The following PIK3CB variants were observed in gnomAD, a reference collection of about 807,000 sequenced individuals.
The protein encoded by PIK3CB is phosphatidylinositol 4,5-bisphosphate 3-kinase catalytic subunit beta isoform.
In PIK3CB, 39 loss-of-function variants were observed where a neutral mutation model predicts 136.8. The observed-to-expected ratio is 0.29, with a 90% CI of 0.22 to 0.37. The LOEUF is 0.37. Ranked by LOEUF, PIK3CB falls within the 10% of genes least tolerant of loss-of-function variation. PIK3CB has a pLI of 1.00. For synonymous variants in PIK3CB, 428 were observed against 436.6 expected (o/e 0.98, Z 0.25); for missense variants, 868 against 1,275.4 (o/e 0.68, Z 4.87).
At chr3:138,695,737 A>G (rs2044122497) in intron 13 of PIK3CB, among the ~76,000 whole-genome samples, 1 of 151,912 alleles carries the variant, frequency 6.6e-6, no homozygotes, top group Non-Finnish European at 1.5e-5. Flanking sequence ...TTATTAGCAT[A>G]TATTTATATA....
At chr3:138,829,961 T>G (rs1933950347) in intron 1 of PIK3CB, among the ~76,000 whole-genome samples, 1 of 151,984 alleles carries the variant, frequency 6.6e-6, no homozygotes, top group Non-Finnish European at 1.5e-5. Flanking sequence ...CAACAGCAGT[T>G]GACAACAATT....
At chr3:138,681,921 TATGGGAAGAC>T in intron 19 of PIK3CB, 36 bp downstream of exon 19, 1 of 1,136,344 alleles carries the variant, frequency 8.8e-7, no homozygotes, top group East Asian at 2.4e-5. Flanking sequence ...ATATTTTTGC[TATGGGAAGAC>T]ATTAGACTGA....
At chr3:138,752,222 GAAA>G (rs940191166) in intron 4 of PIK3CB, among the ~76,000 whole-genome samples, 1 of 147,762 alleles carries the variant, frequency 6.8e-6, no homozygotes, top group African/African-American at 2.5e-5. Flanking sequence ...AATAAACACA[GAAA>G]AAAAAAAGAT....
At position 138,673,372 on chromosome 3, in the gene PIK3CB, C is replaced by T. The variant is rs554692364; in HGVS notation, c.2505-8169G>A. Among the ~76,000 whole-genome samples, 8 of 152,056 alleles carry T rather than the reference C, an allele frequency of 5.3e-5. No homozygotes were observed. The South Asian group carries it at 1.5e-3, about 28-fold the overall frequency. ...ACACACGCACAGATTGTACTGCAGA[C>T]AAAGGCAAAGAGAAACTTTTTGATG... On this transcript the variant is annotated intron_variant, in intron 19 of 23. Coordinates refer to ENST00000674063, the MANE Select transcript of PIK3CB (RefSeq NM_006219.3).
Position 138,699,975 on chromosome 3 carries a change from GA to G in PIK3CB, c.1582-881del, listed in dbSNP as rs575316230. Reference sequence around the variant, plus strand: ...CCAGCACTTTGTGAGGCTAAGGCAGGAAGACTGCTTGAGCCCCGGAGTTCAA... The same window carrying G: ...CCAGCACTTTGTGAGGCTAAGGCAGGAGACTGCTTGAGCCCCGGAGTTCAA... On this transcript the variant is annotated intron_variant, in intron 12 of 23. Transcript: ENST00000674063. Among the ~76,000 whole-genome samples, 10 of 152,190 alleles carry G rather than the reference GA, an allele frequency of 6.6e-5. No homozygotes were observed. The South Asian group carries it at 2.1e-3, about 32-fold the overall frequency.
chr3:138,830,952 A>AG (rs1559895930), intron 1 of PIK3CB, among the ~76,000 whole-genome samples: 2 of 143,212 alleles, frequency 1.4e-5, no homozygotes, highest in African/African-American at 5.2e-5. Context: ...TAATAATAAT[A>AG]AAGCAGGAAC....
In PIK3CB at chr3:138,785,284, G is replaced by A. The variant is rs2045968389; in HGVS notation, c.-17+11179C>T. ...GCCGCCCCCTCCAGGAGGTGGGGGG[G>A]CGCCTCTGCCAGGCCGCCGCCCTGT... is the stretch of plus-strand genomic sequence containing the variant. On this transcript the variant is annotated intron_variant, in intron 2 of 23. Coordinates refer to ENST00000674063, the MANE Select transcript of PIK3CB (RefSeq NM_006219.3). Among the ~76,000 whole-genome samples the A allele has an allele frequency of 2.0e-5, 3 of 151,898 alleles. No homozygotes were observed. The South Asian group carries it at 6.2e-4, about 32-fold the overall frequency.
intron 1 of PIK3CB, among the ~76,000 whole-genome samples, chr3:138,813,199 T>A (rs1933154089): frequency 6.6e-6 from 1 of 152,102 alleles, no homozygotes; most frequent in Non-Finnish European, 1.5e-5. Flanking sequence ...CCAGTGCTAT[T>A]TAGGACCACA....
intron 8 of PIK3CB, among the ~76,000 whole-genome samples, chr3:138,715,103 G>C (rs918602124): frequency 1.3e-5 from 2 of 152,146 alleles, no homozygotes; most frequent in Admixed American, 6.6e-5. Context: ...TTGAGGTCTT[G>C]TCTTACCCTT....
chr3:138,780,273 GT>G (rs565486232), intron 2 of PIK3CB, among the ~76,000 whole-genome samples: 6 of 150,492 alleles, frequency 4.0e-5, no homozygotes, highest in Non-Finnish European at 7.4e-5. Flanking sequence ...TTGTTTTTTT[GT>G]TTTTTTTGTT....
At chr3:138,775,851 A>C (rs1010290255) in intron 2 of PIK3CB, among the ~76,000 whole-genome samples, 3 of 151,694 alleles carry the variant, frequency 2.0e-5, no homozygotes, top group Non-Finnish European at 4.4e-5. Flanking sequence ...CCTATAAGCT[A>C]ATAAATTATA....
chr3:138,821,257 T>G (rs1277866428), intron 1 of PIK3CB, among the ~76,000 whole-genome samples: 1 of 150,304 alleles, frequency 6.7e-6, no homozygotes, highest in African/African-American at 2.5e-5. Context: ...GCACTCCAGC[T>G]TGGCGACAGA....
At chr3:138,786,898 G>A (rs534746706) in intron 2 of PIK3CB, among the ~76,000 whole-genome samples, 65 of 152,324 alleles carry the variant, frequency 4.3e-4, no homozygotes, top group African/African-American at 1.5e-3. Flanking sequence ...GAAAGGTCAT[G>A]CTATGCAGAC....
chr3:138,691,985 A>C (rs1053980914), intron 14 of PIK3CB, among the ~76,000 whole-genome samples: 1 of 152,204 alleles, frequency 6.6e-6, no homozygotes, highest in African/African-American at 2.4e-5. Flanking sequence ...TTAACTTCAA[A>C]TAGTTTGAAG....
intron 19 of PIK3CB, among the ~76,000 whole-genome samples, chr3:138,681,092 C>G (rs574942): frequency 0.59 from 85,737 of 145,770 alleles, 25,882 homozygotes; most frequent in East Asian, 0.98. Context: ...TGTCATCCAG[C>G]CTGGAGTGTA....
chr3:138,716,257 C>A (rs1288980986), intron 8 of PIK3CB, among the ~76,000 whole-genome samples: 1 of 152,140 alleles, frequency 6.6e-6, no homozygotes, highest in Non-Finnish European at 1.5e-5. Context: ...TCCTTCAAGT[C>A]CCCTGGTCCC....
chr3:138,747,232 T>C (rs888950820), intron 4 of PIK3CB, among the ~76,000 whole-genome samples: 1 of 150,826 alleles, frequency 6.6e-6, no homozygotes, highest in Non-Finnish European at 1.5e-5. Flanking sequence ...TATCATGACT[T>C]TTCTCTGTTC....
intron 12 of PIK3CB, among the ~76,000 whole-genome samples, chr3:138,702,046 G>T (rs183693957): frequency 6.6e-6 from 1 of 150,946 alleles, no homozygotes; most frequent in Non-Finnish European, 1.5e-5. Flanking sequence ...TTTACAATTA[G>T]CTCTGGAGAG....
chr3:138,705,200 A>AAAAAAAAAAAAAAAAAAAAAAAAAAAAT (rs2044353746), intron 11 of PIK3CB, among the ~76,000 whole-genome samples: 1 of 144,170 alleles, frequency 6.9e-6, no homozygotes, highest in Non-Finnish European at 1.5e-5. Context: ...CAAAAAAAAA[A>AAAAAAAAAAAAAAAAAAAAAAAAAAAAT]ACTTATATTT....
Sources: gnomAD v4.1 joint callset for allele counts (sites outside exome capture counted in the v4.1 genomes callset) on GRCh38, gnomAD v4.1.1 for gene constraint, MANE v1.5 for transcripts, NCBI Gene and HGNC (gene_info 2026-07-23, HGNC 2026-07-21) for gene names.